Variants in PYGL observed in about 807,000 individuals in gnomAD.
PYGL encodes glycogen phosphorylase, liver form.
PYGL carries 90 observed loss-of-function variants against 100.1 expected under a neutral mutation model. The ratio of observed to expected loss-of-function variants is 0.90; its 90% CI spans 0.76 to 1.07. PYGL has a LOEUF of 1.07. PYGL is among the 50% of genes least tolerant of loss of function. The pLI, the probability that PYGL is intolerant of heterozygous loss-of-function variation, is 0.00. For synonymous variants in PYGL, 373 were observed against 393.0 expected (o/e 0.95, Z 0.60); for missense variants, 1,016 against 1,057.6 (o/e 0.96, Z 0.55).
chr14:50,916,424 A>C (rs2050449761), intron 9 of PYGL, among the ~76,000 whole-genome samples: 1 of 152,198 alleles, frequency 6.6e-6, no homozygotes, highest in African/African-American at 2.4e-5. Flanking sequence ...ATAGCTATTG[A>C]TTTGTGTCCC....
At chr14:50,938,199 A>G (rs2050672437) in intron 1 of PYGL, among the ~76,000 whole-genome samples, 3 of 152,186 alleles carry the variant, frequency 2.0e-5, no homozygotes, top group Admixed American at 2.0e-4. Context: ...ATATTTAAAA[A>G]TATTTCAAAA....
At chr14:50,935,082 A>T (rs1455608223) in intron 3 of PYGL, 25 bp downstream of exon 3, 2 of 1,580,362 alleles carry the variant, frequency 1.3e-6, no homozygotes, top group South Asian at 1.1e-5. Flanking sequence ...GCCAGACAAT[A>T]TAATACACTC....
chr14:50,905,229 A>G lies in PYGL; in HGVS notation c.*163T>C. 1 of 730,416 alleles carries G rather than the reference A, an allele frequency of 1.4e-6. No individual in the cohort carries two copies. The highest frequency in any genetic ancestry group is 1.9e-5 in the South Asian group (1 of 54,034). The allele number at this position is 730,416 out of a possible 1,614,324, so 45.2% of individuals were successfully genotyped here. ...TTTGGCACTCATGTAGCCCTTGGAA[A>G]TTGACACTTTATTTTTAAGCTCTAT... On this transcript the variant is annotated 3_prime_UTR_variant, in exon 20 of 20. Transcript: ENST00000216392.
intron 8 of PYGL, 92 bp downstream of exon 8, chr14:50,916,870 T>C: frequency 6.4e-7 from 1 of 1,559,690 alleles, no homozygotes. Flanking sequence ...CTGCTCAACG[T>C]TGTTAGCACT....
chr14:50,915,276 G>A, intron 11 of PYGL, 60 bp downstream of exon 11: 2 of 1,583,304 alleles, frequency 1.3e-6, no homozygotes, highest in African/African-American at 2.7e-5. Flanking sequence ...CCTGCATTTA[G>A]TAGCATCATT....
intron 3 of PYGL, 80 bp from the exon 4 acceptor site, chr14:50,931,856 CA>C: frequency 8.9e-7 from 1 of 1,122,070 alleles, no homozygotes; most frequent in Non-Finnish European, 1.4e-6. Context: ...AAACACATGG[CA>C]GCCACAAAAC....
chr14:50,916,865 C>T, intron 8 of PYGL, 97 bp downstream of exon 8: 1 of 1,557,094 alleles, frequency 6.4e-7, no homozygotes, highest in East Asian at 2.2e-5. Context: ...TATTCCTGCT[C>T]AACGTTGTTA....
intron 5 of PYGL, chr14:50,923,114 C>T (rs1283408076): frequency 6.6e-6 from 1 of 152,220 alleles, no homozygotes; most frequent in Non-Finnish European, 1.5e-5. Flanking sequence ...GCCCCCTAAC[C>T]TTGCCTCTGT....
chr14:50,915,492 A>G lies in PYGL; in HGVS notation c.1247T>C (p.Val416Ala). Residue 416 changes from valine to alanine, a missense_variant, in exon 11 of 20, where the codon GTG becomes GCG. Physicochemically the swap from Val to Ala is moderately conservative, Grantham distance 64 (BLOSUM62 0). Transcript: ENST00000216392. Reference protein sequence around the residue: ...EINQKHLDRIVALFPKDVDRL... With the variant: ...EINQKHLDRIAALFPKDVDRL... ...GTCCACATCTTTAGGAAACAAGGCC[A>G]CAATTCTCTAGCCAAAGGAAGAGAA... The G allele has an allele frequency of 8.7e-6, 14 of 1,614,226 alleles. No individual in the cohort carries two copies. Among genetic ancestry groups the G allele is most frequent in the Non-Finnish European group, 1.1e-5 (13 of 1,180,042 alleles).
intron 13 of PYGL, chr14:50,912,543 A>T (rs1023917456): frequency 6.5e-5 from 35 of 536,004 alleles, no homozygotes; most frequent in Non-Finnish European, 1.1e-4. Flanking sequence ...GGGTTTCATC[A>T]TGTTGGCCAG....
rs1050309061 is a variant in PYGL, at chr14:50,941,406, C to T, written c.243+2755G>A. Among the ~76,000 whole-genome samples the T allele has an allele frequency of 2.6e-5, 4 of 152,296 alleles. No homozygotes were observed. The South Asian group carries it at 6.2e-4, about 24-fold the overall frequency. On this transcript the variant is annotated intron_variant, in intron 1 of 19. Coordinates refer to ENST00000216392, the MANE Select transcript of PYGL (RefSeq NM_002863.5). Reference sequence around the variant, plus strand: ...CCACTTCTGGAAAGCAAAATAACCACGTGAAGTCAGCTGCAACAAATGGGT... The same window carrying T: ...CCACTTCTGGAAAGCAAAATAACCATGTGAAGTCAGCTGCAACAAATGGGT...
chr14:50,923,625 C>T, intron 5 of PYGL: 1 of 200,420 alleles, frequency 5.0e-6, no homozygotes, highest in South Asian at 7.3e-5. Context: ...TTGCTATCAA[C>T]ACCTTAATAT....
chr14:50,929,033 C>A (rs1457375162), intron 4 of PYGL, among the ~76,000 whole-genome samples: 1 of 151,904 alleles, frequency 6.6e-6, no homozygotes, highest in East Asian at 1.9e-4. Flanking sequence ...AATTTATTTT[C>A]TTTTATCTTA....
At chr14:50,939,722 T>G (rs560474516) in intron 1 of PYGL, among the ~76,000 whole-genome samples, 12 of 152,160 alleles carry the variant, frequency 7.9e-5, no homozygotes, top group Non-Finnish European at 1.8e-4. Flanking sequence ...TTACCTCAAA[T>G]TTTAGGGATT....
At chr14:50,926,109 A>AT (rs1293001996) in intron 4 of PYGL, among the ~76,000 whole-genome samples, 1 of 152,124 alleles carries the variant, frequency 6.6e-6, no homozygotes, top group African/African-American at 2.4e-5. Context: ...CAAAGATAAA[A>AT]TTTTTTTGAG....
intron 1 of PYGL, among the ~76,000 whole-genome samples, chr14:50,938,361 C>A (rs1263250892): frequency 6.7e-6 from 1 of 149,838 alleles, no homozygotes; most frequent in African/African-American, 2.5e-5. Flanking sequence ...CAGGCATGCG[C>A]CACCATGCCC....
rs1351496313 is a variant in PYGL, at chr14:50,937,785, G to C, written c.296C>G (p.Thr99Ser). Residue 99 changes from threonine to serine, a missense_variant, in exon 2 of 20, where the codon ACC becomes AGC. Coordinates refer to ENST00000216392, the MANE Select transcript of PYGL (RefSeq NM_002863.5). ...ATTTTGCAGACCGAGGTTGATCATG[G>C]TGTTCTGTAATGTTCGGCCCATGTA... ...EFYMGRTLQNTMINLGLQNAC... is the reference protein window; with the variant it reads ...EFYMGRTLQNSMINLGLQNAC... 6.2e-7 allele frequency: 1 copy of C among 1,613,958 alleles called. No individual in the cohort carries two copies. Among genetic ancestry groups the C allele is most frequent in the Non-Finnish European group, 8.5e-7 (1 of 1,179,970 alleles).
At chr14:50,914,904 G>C in intron 11 of PYGL, 89 bp from the exon 12 acceptor site, 2 of 968,276 alleles carry the variant, frequency 2.1e-6, no homozygotes, top group South Asian at 2.6e-5. Context: ...TATTCAAGAA[G>C]CCAAGTGCAG....
chr14:50,916,973 A>C lies in PYGL; in HGVS notation c.988T>G (p.Phe330Val). 1 of 1,614,220 alleles carries C rather than the reference A, an allele frequency of 6.2e-7. No homozygotes were observed. The highest frequency in any genetic ancestry group is 8.5e-7 in the Non-Finnish European group (1 of 1,180,026). The change falls in exon 8 of 20, where the codon TTC (phenylalanine) becomes GTC (valine). Residue 330 changes from phenylalanine to valine, a missense_variant. Coordinates refer to ENST00000216392, the MANE Select transcript of PYGL (RefSeq NM_002863.5). ...GACTAAATACTTGCCTGATCCGGGA[A>C]GGCATCAAACACAGTTCCTGCACCA... ...TRGAGTVFDA[F>V]PDQVAIQLND...
Sources: gnomAD v4.1 joint callset for allele counts (sites outside exome capture counted in the v4.1 genomes callset) on GRCh38, gnomAD v4.1.1 for gene constraint, MANE v1.5 for transcripts, NCBI Gene and HGNC (gene_info 2026-07-23, HGNC 2026-07-21) for gene names.